IQCM: variants seen among roughly 807,000 people sequenced by gnomAD.
IQCM encodes the protein IQ domain-containing protein M.
IQCM carries 45 observed loss-of-function variants against 57.6 expected under a neutral mutation model. The observed-to-expected ratio is 0.78, with a 90% CI of 0.62 to 1.00. IQCM has a LOEUF of 1.00. IQCM is among the 50% of genes least tolerant of loss of function. The pLI, the probability that IQCM is intolerant of heterozygous loss-of-function variation, is 0.00. For missense variants in IQCM, 468 were observed against 511.6 expected, an observed-to-expected ratio of 0.91 and a Z score of 0.82; for synonymous variants, 148 against 158.9, an observed-to-expected ratio of 0.93 and a Z score of 0.51.
chr4:149,650,634 CCCA>C (rs1418937975), intron 7 of IQCM, among the ~76,000 whole-genome samples: 2 of 152,122 alleles, frequency 1.3e-5, no homozygotes, highest in African/African-American at 4.8e-5. Flanking sequence ...GGATGATACA[CCCA>C]CCTCGACCTC....
At chr4:149,697,989 A>G (rs1763464574) in intron 5 of IQCM, among the ~76,000 whole-genome samples, 1 of 152,122 alleles carries the variant, frequency 6.6e-6, no homozygotes, top group Non-Finnish European at 1.5e-5. Flanking sequence ...GGATAAATGA[A>G]ATAATTTATT....
At chr4:149,485,884 C>T (rs1741423720) in intron 12 of IQCM, among the ~76,000 whole-genome samples, 1 of 152,032 alleles carries the variant, frequency 6.6e-6, no homozygotes, top group Non-Finnish European at 1.5e-5. Context: ...GACAATTAGC[C>T]CAATAATGCT....
chr4:149,766,269 A>G (rs1770046192), intron 2 of IQCM, among the ~76,000 whole-genome samples: 1 of 152,144 alleles, frequency 6.6e-6, no homozygotes, highest in Admixed American at 6.6e-5. Context: ...CCATAGTAGG[A>G]TGAAGGGGCA....
At chr4:149,593,841 C>T (rs960582414) in intron 8 of IQCM, among the ~76,000 whole-genome samples, 76 of 152,096 alleles carry the variant, frequency 5.0e-4, no homozygotes, top group Admixed American at 2.5e-3. Context: ...TTTTGATGTG[C>T]TGCTGGATTC....
At chr4:149,672,918 C>T (rs150487453) in intron 7 of IQCM, among the ~76,000 whole-genome samples, 1 of 152,164 alleles carries the variant, frequency 6.6e-6, no homozygotes, top group Non-Finnish European at 1.5e-5. Flanking sequence ...ATCAGACTAA[C>T]AGCAGATCTT....
chr4:149,665,037 G>A (rs1050600333), intron 7 of IQCM, among the ~76,000 whole-genome samples: 4 of 152,146 alleles, frequency 2.6e-5, no homozygotes, highest in Non-Finnish European at 5.9e-5. Flanking sequence ...TAGGCTCTGG[G>A]CAGTCAGAAT....
chr4:149,352,932 C>T (rs961845396), intron 13 of IQCM, among the ~76,000 whole-genome samples: 52 of 151,988 alleles, frequency 3.4e-4, no homozygotes, highest in African/African-American at 1.2e-3. Flanking sequence ...TGTTATTAAA[C>T]AAAAACATAA....
rs767033819 is a variant in IQCM, at chr4:149,540,228, T to C, written c.1228+8227A>G. ...GAAACCAAATCAGCCAACACCTTGA[T>C]CTTAGACTCCTAATGTTTAGAACTA... On this transcript the variant is annotated intron_variant, in intron 12 of 13. Transcript: ENST00000636793. 1.3e-3 allele frequency among the ~76,000 whole-genome samples: 199 copies of C among 150,316 alleles called. 3 individuals are homozygous for C. The highest frequency in any genetic ancestry group is 6.6e-4 in the Non-Finnish European group (45 of 67,776).
intron 13 of IQCM, among the ~76,000 whole-genome samples, chr4:149,425,633 T>C (rs1278526638): frequency 6.6e-6 from 1 of 151,962 alleles, no homozygotes; most frequent in Non-Finnish European, 1.5e-5. Flanking sequence ...ACCACCTGCC[T>C]CAATGAGGGA....
chr4:149,649,096 G>T (rs759161788), intron 7 of IQCM, among the ~76,000 whole-genome samples: 4 of 152,050 alleles, frequency 2.6e-5, no homozygotes, highest in Non-Finnish European at 5.9e-5. Context: ...ATTCATGCAA[G>T]ATTGTATGTG....
At chr4:149,545,783 T>C (rs1329460081) in intron 12 of IQCM, among the ~76,000 whole-genome samples, 1 of 151,878 alleles carries the variant, frequency 6.6e-6, no homozygotes, top group African/African-American at 2.4e-5. Context: ...GCAACCTAAG[T>C]GCCTGTCAAC....
intron 7 of IQCM, among the ~76,000 whole-genome samples, chr4:149,675,164 A>C (rs1351737108): frequency 6.6e-6 from 1 of 152,084 alleles, no homozygotes; most frequent in African/African-American, 2.4e-5. Flanking sequence ...AATATCACCA[A>C]AAACTATGAA....
chr4:149,703,600 A>G (rs140460154), intron 5 of IQCM, among the ~76,000 whole-genome samples: 31 of 152,054 alleles, frequency 2.0e-4, no homozygotes, highest in Middle Eastern at 3.4e-3. Flanking sequence ...CTCTTTGCAT[A>G]TCAAACATAC....
intron 8 of IQCM, among the ~76,000 whole-genome samples, chr4:149,618,253 A>C (rs374578798): frequency 6.6e-6 from 1 of 152,210 alleles, no homozygotes; most frequent in East Asian, 1.9e-4. Context: ...CATTGGGAAA[A>C]GGACACCCTA....
At chr4:149,463,644 T>C (rs1172531184) in intron 12 of IQCM, among the ~76,000 whole-genome samples, 1 of 152,218 alleles carries the variant, frequency 6.6e-6, no homozygotes, top group Admixed American at 6.5e-5. Flanking sequence ...CCCTAAATAG[T>C]GCATTATTGT....
chr4:149,401,398 T>A (rs947676390), intron 13 of IQCM, among the ~76,000 whole-genome samples: 10 of 151,798 alleles, frequency 6.6e-5, no homozygotes, highest in Admixed American at 1.3e-4. Flanking sequence ...AGTAAACACT[T>A]CTAAAGAGAG....
At chr4:149,766,418 A>T (rs960994832) in intron 2 of IQCM, among the ~76,000 whole-genome samples, 1 of 152,116 alleles carries the variant, frequency 6.6e-6, no homozygotes, top group East Asian at 1.9e-4. Flanking sequence ...CCAATTGACC[A>T]CTTGGAATTA....
chr4:149,697,266 G>T (rs909737595), intron 5 of IQCM, among the ~76,000 whole-genome samples: 1 of 152,028 alleles, frequency 6.6e-6, no homozygotes, highest in African/African-American at 2.4e-5. Context: ...GTCAAGGTCT[G>T]TTCCTCCTCA....
intron 7 of IQCM, among the ~76,000 whole-genome samples, chr4:149,651,707 C>A (rs1759196658): frequency 6.6e-6 from 1 of 152,084 alleles, no homozygotes; most frequent in Non-Finnish European, 1.5e-5. Flanking sequence ...AAAATGTTGA[C>A]ACTAACACTA....
Sources: allele counts gnomAD v4.1 joint callset (sites outside exome capture counted in the v4.1 genomes callset), GRCh38; gene constraint gnomAD v4.1.1; transcripts MANE v1.5; gene names NCBI Gene and HGNC (gene_info 2026-07-23, HGNC 2026-07-21).